Variants in SNX29 observed in about 807,000 individuals in gnomAD.
The protein encoded by SNX29 is sorting nexin-29.
In SNX29, 78 loss-of-function variants were observed where a neutral mutation model predicts 102.1. That is an observed-to-expected ratio of 0.76 (90% CI 0.64 to 0.92). The LOEUF is 0.92. Ranked by LOEUF, SNX29 falls within the 40% of genes least tolerant of loss-of-function variation. SNX29 has a pLI of 0.00. For missense variants in SNX29, 1,280 were observed against 1,061.7 expected (o/e 1.21, Z -2.86); for synonymous variants, 580 against 414.5 (o/e 1.40, Z -4.85).
At chr16:12,535,113 C>G (rs1050805717) in intron 20 of SNX29, among the ~76,000 whole-genome samples, 1 of 152,160 alleles carries the variant, frequency 6.6e-6, no homozygotes, top group African/African-American at 2.4e-5. Flanking sequence ...GTATTTAGCA[C>G]CCGCCAGGGT....
intron 15 of SNX29, among the ~76,000 whole-genome samples, chr16:12,319,307 G>T (rs1274047849): frequency 1.3e-5 from 2 of 152,104 alleles, no homozygotes; most frequent in Admixed American, 1.3e-4. Flanking sequence ...TTCGAGACCA[G>T]CCCAAGCAAC....
intron 19 of SNX29, among the ~76,000 whole-genome samples, chr16:12,480,857 G>C (rs1393897513): frequency 2.0e-5 from 3 of 152,144 alleles, no homozygotes; most frequent in Non-Finnish European, 4.4e-5. Flanking sequence ...TGCAGGAGCT[G>C]GGAACTGTTT....
chr16:12,446,013 C>G (rs1597403572), intron 18 of SNX29, among the ~76,000 whole-genome samples: 1 of 151,990 alleles, frequency 6.6e-6, no homozygotes, highest in South Asian at 2.1e-4. Context: ...CCATGCAGCT[C>G]CTGGACGTGC....
chr16:12,211,124 T>C (rs1166108959), intron 14 of SNX29, among the ~76,000 whole-genome samples: 1 of 152,000 alleles, frequency 6.6e-6, no homozygotes, highest in African/African-American at 2.4e-5. Flanking sequence ...TTGTGCAGAG[T>C]ACAAGGTCAG....
At chr16:12,549,648 G>A (rs1346341139) in intron 20 of SNX29, among the ~76,000 whole-genome samples, 19 of 152,224 alleles carry the variant, frequency 1.2e-4, no homozygotes, top group Admixed American at 5.2e-4. Flanking sequence ...CATAGCTGCC[G>A]AAACCAGCTT....
At chr16:12,213,175 C>G (rs2077233476) in intron 14 of SNX29, among the ~76,000 whole-genome samples, 1 of 152,144 alleles carries the variant, frequency 6.6e-6, no homozygotes, top group South Asian at 2.1e-4. Flanking sequence ...GGAATACTGT[C>G]TTTTGCAGCC....
intron 8 of SNX29, among the ~76,000 whole-genome samples, chr16:12,056,223 G>C (rs2050515404): frequency 6.6e-6 from 1 of 152,168 alleles, no homozygotes; most frequent in Admixed American, 6.5e-5. Context: ...AGGAGATGCT[G>C]CTTGCTGATG....
intron 10 of SNX29, among the ~76,000 whole-genome samples, chr16:12,078,481 TAGAC>T (rs770973277): frequency 6.6e-6 from 1 of 151,930 alleles, no homozygotes; most frequent in South Asian, 2.1e-4. Flanking sequence ...TGGCAGTAAA[TAGAC>T]AGCAAAGAGG....
At chr16:12,547,933 T>G (rs1411424179) in intron 20 of SNX29, among the ~76,000 whole-genome samples, 1 of 152,032 alleles carries the variant, frequency 6.6e-6, no homozygotes, top group Non-Finnish European at 1.5e-5. Context: ...GATACCTCAA[T>G]TCCCAGTCTG....
At chr16:12,085,476 G>T (rs350264) in intron 11 of SNX29, among the ~76,000 whole-genome samples, 24 of 151,778 alleles carry the variant, frequency 1.6e-4, no homozygotes, top group Admixed American at 3.9e-4. Flanking sequence ...AAAGGCACGC[G>T]CCACCACACC....
At chr16:12,348,058 A>G (rs1362079465) in intron 15 of SNX29, among the ~76,000 whole-genome samples, 1 of 152,062 alleles carries the variant, frequency 6.6e-6, no homozygotes, top group Non-Finnish European at 1.5e-5. Flanking sequence ...AGCCTGGGCA[A>G]CAGAATAAGA....
intron 3 of SNX29, among the ~76,000 whole-genome samples, chr16:12,018,311 T>A (rs2056910160): frequency 6.6e-6 from 1 of 151,954 alleles, no homozygotes; most frequent in Non-Finnish European, 1.5e-5. Context: ...GGCGTGGTGG[T>A]TCACACCTGT....
At position 12,356,235 on chromosome 16, in the gene SNX29, C is replaced by G. The variant is rs1224654939; in HGVS notation, c.1855C>G (p.Leu619Val). The change falls in exon 16 of 21, where the codon CTC (leucine) becomes GTC (valine). Residue 619 changes from leucine to valine, a missense_variant. Leu to Val is a conservative substitution (Grantham distance 32). Transcript: ENST00000566228. ...LHRALVAKEA[L>V]VSQMRQELID... ...CAGGGCCCTGGTAGCCAAGGAAGCC[C>G]TCGTGTCCCAGATGAGGCAGGAGCT... is the stretch of plus-strand genomic sequence containing the variant. 3 of 1,612,910 alleles carry G rather than the reference C, an allele frequency of 1.9e-6. No homozygotes were observed. The highest frequency in any genetic ancestry group is 1.7e-6 in the Non-Finnish European group (2 of 1,179,534).
intron 16 of SNX29, among the ~76,000 whole-genome samples, chr16:12,392,579 T>C (rs200016953): frequency 6.6e-6 from 1 of 152,228 alleles, no homozygotes; most frequent in South Asian, 2.1e-4. Flanking sequence ...ACCCTTGTTA[T>C]CTTTTGGGAA....
At chr16:12,518,385 A>G (rs1394764822) in intron 19 of SNX29, among the ~76,000 whole-genome samples, 2 of 152,152 alleles carry the variant, frequency 1.3e-5, no homozygotes, top group East Asian at 1.9e-4. Flanking sequence ...CAGCAAGCCA[A>G]GCTCCTTCTG....
chr16:12,315,363 C>T (rs2080698871), intron 15 of SNX29, among the ~76,000 whole-genome samples: 1 of 152,206 alleles, frequency 6.6e-6, no homozygotes, highest in Non-Finnish European at 1.5e-5. Flanking sequence ...AACGCCTCTG[C>T]TTCCAGCCCT....
intron 11 of SNX29, among the ~76,000 whole-genome samples, chr16:12,117,132 T>A (rs1704114): frequency 2.2e-5 from 1 of 44,904 alleles, no homozygotes; most frequent in East Asian, 1.7e-3. Flanking sequence ...GAAACAGGCG[T>A]GGTCAATACG....
At chr16:12,551,814 C>T (rs551578380) in intron 20 of SNX29, among the ~76,000 whole-genome samples, 35 of 152,290 alleles carry the variant, frequency 2.3e-4, no homozygotes, top group Admixed American at 4.6e-4. Flanking sequence ...TCTGTATCCC[C>T]GCCTCAGTTT....
intron 19 of SNX29, among the ~76,000 whole-genome samples, chr16:12,521,337 A>G (rs1894967): frequency 0.63 from 95,669 of 151,832 alleles, 33,301 homozygotes; most frequent in East Asian, 1. Flanking sequence ...GGTTTCCAGG[A>G]AGCAGCTATT....
Sources: allele counts gnomAD v4.1 joint callset (sites outside exome capture counted in the v4.1 genomes callset), GRCh38; gene constraint gnomAD v4.1.1; transcripts MANE v1.5; gene names NCBI Gene and HGNC (gene_info 2026-07-23, HGNC 2026-07-21).